Variants in SLC25A48 observed in about 807,000 individuals in gnomAD.
SLC25A48 encodes the protein solute carrier family 25 member 48.
Under a neutral mutation model 32.2 loss-of-function variants are expected in SLC25A48, and 29 were observed. The ratio of observed to expected loss-of-function variants is 0.90; its 90% CI spans 0.67 to 1.23. The LOEUF (loss-of-function observed/expected upper bound fraction) is 1.23. Ranked by LOEUF, SLC25A48 falls within the 50% of genes most tolerant of loss-of-function variation. The pLI, the probability that SLC25A48 is intolerant of heterozygous loss-of-function variation, is 0.00. For synonymous variants in SLC25A48, 164 were observed against 172.3 expected (o/e 0.95, Z 0.38); for missense variants, 399 against 422.7 (o/e 0.94, Z 0.49).
chr5:135,588,307 CAT>C (rs954555116), intron 1 of SLC25A48, among the ~76,000 whole-genome samples: 2 of 152,236 alleles, frequency 1.3e-5, no homozygotes, highest in Admixed American at 1.3e-4. Context: ...GCCACTAACA[CAT>C]GTGGAAATCC....
chr5:135,589,695 C>T (rs987751423), intron 1 of SLC25A48, among the ~76,000 whole-genome samples: 4 of 152,000 alleles, frequency 2.6e-5, no homozygotes, highest in East Asian at 1.9e-4. Context: ...TTAATGTATT[C>T]ATTTATTTAT....
At chr5:135,690,715 C>T (rs953768110) in intron 3 of SLC25A48, among the ~76,000 whole-genome samples, 1 of 152,182 alleles carries the variant, frequency 6.6e-6, no homozygotes, top group Non-Finnish European at 1.5e-5. Flanking sequence ...GAAACTTAAG[C>T]TCAGAGAGGT....
chr5:135,840,643 T>G (rs1334618796), intron 1 of SLC25A48, among the ~76,000 whole-genome samples: 1 of 152,212 alleles, frequency 6.6e-6, no homozygotes, highest in African/African-American at 2.4e-5. Context: ...TCTGGGTAAT[T>G]CATATAGGTA....
At chr5:135,598,456 C>T (rs1751710824) in intron 1 of SLC25A48, among the ~76,000 whole-genome samples, 1 of 152,176 alleles carries the variant, frequency 6.6e-6, no homozygotes, top group Admixed American at 6.5e-5. Context: ...CAATGGCATA[C>T]TGTTAACTGA....
intron 4 of SLC25A48, among the ~76,000 whole-genome samples, chr5:135,858,944 A>G (rs1760558506): frequency 6.6e-6 from 1 of 152,116 alleles, no homozygotes; most frequent in Non-Finnish European, 1.5e-5. Context: ...GGTGCTAGAC[A>G]GGATCAACTA....
intron 3 of SLC25A48, among the ~76,000 whole-genome samples, chr5:135,698,011 G>A (rs1250157571): frequency 6.6e-6 from 1 of 152,188 alleles, no homozygotes; most frequent in Non-Finnish European, 1.5e-5. Flanking sequence ...GATTGTCACT[G>A]GGCCATGCCA....
chr5:135,812,906 T>C (rs1321134579), exon 4 of SLC25A48: 3 of 152,332 alleles, frequency 2.0e-5, no homozygotes, highest in Non-Finnish European at 2.9e-5. Context: ...AGGAGAGCAG[T>C]GTGCTGTGAA....
chr5:135,754,260 A>T (rs976861830), intron 3 of SLC25A48, among the ~76,000 whole-genome samples: 2 of 150,814 alleles, frequency 1.3e-5, no homozygotes, highest in Admixed American at 1.3e-4. Flanking sequence ...TCTCAAGGGT[A>T]TTATTATGCA....
At chr5:135,591,412 A>G (rs1286887000) in intron 1 of SLC25A48, among the ~76,000 whole-genome samples, 2 of 152,170 alleles carry the variant, frequency 1.3e-5, no homozygotes, top group South Asian at 2.1e-4. Flanking sequence ...GCCATGGAAC[A>G]TGACTCAGGA....
intron 4 of SLC25A48, among the ~76,000 whole-genome samples, chr5:135,866,057 T>G (rs1255697221): frequency 1.3e-5 from 2 of 152,294 alleles, no homozygotes; most frequent in East Asian, 1.9e-4. Flanking sequence ...TGAGCCTTAC[T>G]GGAATAGAAC....
intron 4 of SLC25A48, among the ~76,000 whole-genome samples, chr5:135,861,630 A>G (rs1012319390): frequency 2.6e-5 from 4 of 152,228 alleles, no homozygotes; most frequent in African/African-American, 9.7e-5. Context: ...CTAATGGTGA[A>G]TATTTAGGTT....
Position 135,660,632 on chromosome 5 carries a change from G to GT in SLC25A48, c.-521+25684dup, listed in dbSNP as rs1046219070. ...GTTACCTGACTTCTCTATGACTCAG[G>GT]TTTTTTTTGTATAGGAAGTGCGGAT... On this transcript the variant is annotated intron_variant, in intron 3 of 10. Transcript: ENST00000646290. Among the ~76,000 whole-genome samples, 20 of 152,046 alleles carry GT rather than the reference G, an allele frequency of 1.3e-4. No homozygotes were observed. The East Asian group carries it at 3.3e-3, about 25-fold the overall frequency.
At chr5:135,630,879 G>A (rs1258184465) in intron 2 of SLC25A48, among the ~76,000 whole-genome samples, 1 of 152,098 alleles carries the variant, frequency 6.6e-6, no homozygotes, top group Admixed American at 6.5e-5. Flanking sequence ...TGGGATTACA[G>A]GCATGAGCCA....
intron 4 of SLC25A48, among the ~76,000 whole-genome samples, chr5:135,824,037 A>G (rs1479110854): frequency 6.6e-6 from 1 of 152,184 alleles, no homozygotes; most frequent in African/African-American, 2.4e-5. Flanking sequence ...ACCACCCCAC[A>G]CATGAAGCAG....
At chr5:135,580,226 T>A (rs1382726793) in intron 1 of SLC25A48, among the ~76,000 whole-genome samples, 1 of 152,228 alleles carries the variant, frequency 6.6e-6, no homozygotes, top group African/African-American at 2.4e-5. Context: ...GGGTCCTCAG[T>A]ATATACGGCT....
At chr5:135,599,567 G>A (rs1364549873) in intron 1 of SLC25A48, among the ~76,000 whole-genome samples, 1 of 152,158 alleles carries the variant, frequency 6.6e-6, no homozygotes, top group Non-Finnish European at 1.5e-5. Flanking sequence ...AGCAGGAGTG[G>A]GCTGCTGGGG....
intron 3 of SLC25A48, among the ~76,000 whole-genome samples, chr5:135,659,308 G>T (rs1753331140): frequency 6.6e-6 from 1 of 152,114 alleles, no homozygotes; most frequent in Non-Finnish European, 1.5e-5. Flanking sequence ...CTAAAGCAGG[G>T]GCACAATGCT....
At chr5:135,713,773 C>T (rs1244794818) in intron 3 of SLC25A48, among the ~76,000 whole-genome samples, 1 of 152,232 alleles carries the variant, frequency 6.6e-6, no homozygotes, top group Non-Finnish European at 1.5e-5. Context: ...GAATGACACT[C>T]CTACTCTGGT....
chr5:135,737,186 G>C (rs1755384608), intron 3 of SLC25A48, among the ~76,000 whole-genome samples: 2 of 152,150 alleles, frequency 1.3e-5, no homozygotes, highest in Admixed American at 1.3e-4. Context: ...TCCGAAAAGA[G>C]AGTCAGTGAA....
Sources: gnomAD v4.1 joint callset for allele counts (sites outside exome capture counted in the v4.1 genomes callset) on GRCh38, gnomAD v4.1.1 for gene constraint, MANE v1.5 for transcripts, NCBI Gene and HGNC (gene_info 2026-07-23, HGNC 2026-07-21) for gene names.